CYP21A2: variants seen among roughly 807,000 people sequenced by gnomAD.
The protein encoded by CYP21A2 is cytochrome P450 family 21 subfamily A member 2.
CYP21A2 carries 24 observed loss-of-function variants against 47.4 expected under a neutral mutation model. The observed-to-expected ratio is 0.51, with a 90% confidence interval of 0.37 to 0.71. CYP21A2 has a LOEUF of 0.71. Among genes scored for constraint, CYP21A2 ranks in the 30% least tolerant of loss-of-function variants. The probability of loss-of-function intolerance (pLI) is 0.00; values close to 1 mark genes in which losing one functional copy is unlikely to be tolerated. For synonymous variants in CYP21A2, 130 were observed against 273.9 expected, an observed-to-expected ratio of 0.47 and a Z score of 5.19; for missense variants, 358 against 643.2, an observed-to-expected ratio of 0.56 and a Z score of 4.80.
At position 32,041,096 on chromosome 6, in the gene CYP21A2, CGG is replaced by C. The variant is rs749280425; in HGVS notation, c.1454_1455del (p.Gly485AspfsTer38). The C allele has an allele frequency of 6.3e-7, 1 of 1,586,958 alleles. No homozygotes were observed. Among genetic ancestry groups the C allele is most frequent in the Non-Finnish European group, 8.6e-7 (1 of 1,168,582 alleles). ...MQPFQVRLQPRGMGAHSPGQS... is the reference protein window; with the variant it reads ...MQPFQVRLQPXGMGAHSPGQS... Reference sequence around the variant, plus strand: ...GCCTTTCCAAGTGCGGCTGCAGCCCCGGGGGATGGGGGCCCACAGCCCGGGCC... The same window carrying C: ...GCCTTTCCAAGTGCGGCTGCAGCCCCGGGATGGGGGCCCACAGCCCGGGCC... On this transcript the variant is annotated frameshift_variant, in exon 10 of 10. Transcript: ENST00000644719. LOFTEE classifies it low-confidence loss of function (END_TRUNC).
rs1425076292 is a variant in CYP21A2 at position 32,038,667 on chromosome 6, C to T, written c.202+43C>T. ...CTCTGGCCCTCACCATAGGAGGGGG[C>T]GGAGGTGACGGAGAGGGTCCTCTCT... On this transcript the variant is annotated intron_variant, in intron 1 of 9. Coordinates refer to ENST00000644719, the MANE Select transcript of CYP21A2 (RefSeq NM_000500.9). The T allele has an allele frequency of 9.1e-6, 14 of 1,536,704 alleles. No homozygotes were observed. The East Asian group carries it at 1.4e-4, about 16-fold the overall frequency.
At chr6:32,039,305 C>T (rs756881244) in intron 3 of CYP21A2, 51 bp from the exon 4 acceptor site, 17 of 1,577,916 alleles carry the variant, frequency 1.1e-5, no homozygotes, top group African/African-American at 4.1e-5. Context: ...CAGTAGCCCC[C>T]GCCCTGCCCG....
intron 2 of CYP21A2, 93 bp downstream of exon 2, chr6:32,038,904 G>A (rs2151871120): frequency 7.3e-7 from 1 of 1,377,620 alleles, no homozygotes; most frequent in African/African-American, 1.4e-5. Context: ...TAAATTCCTA[G>A]TCTCAAATGA....
intron 2 of CYP21A2, 56 bp from the exon 3 acceptor site, chr6:32,039,038 A>T (rs1378285204): frequency 6.4e-7 from 1 of 1,565,906 alleles, no homozygotes; most frequent in African/African-American, 1.4e-5. Context: ...GAAGAAGGTC[A>T]GGCCCTCAGC....
At position 32,039,286 on chromosome 6, in the gene CYP21A2, C is replaced by T. The variant is rs6466; in HGVS notation, c.447+38C>T. ...TCCTGAGGCCACCTCGGGTCAGCCT[C>T]GCCTCTCACAGTAGCCCCCGCCCTG... On this transcript the variant is annotated intron_variant, in intron 3 of 9. Transcript: ENST00000644719. 0.29 allele frequency: 453,196 copies of T among 1,569,734 alleles called. 68,259 individuals are homozygous for T. The highest frequency in any genetic ancestry group is 0.39 in the South Asian group (33,695 of 86,602).
Position 32,040,593 on chromosome 6 carries a change from C to G in CYP21A2, c.1118+9C>G. On this transcript the variant is annotated intron_variant, in intron 8 of 9. Transcript: ENST00000644719. ...ACCACACGGCCCAGCAGGTGACTCC[C>G]GAGGGTTGGGGATGAGTGAGGAAAG... 2 of 1,612,656 alleles carry G rather than the reference C, an allele frequency of 1.2e-6. No homozygotes were observed. The highest frequency in any genetic ancestry group is 1.7e-6 in the Non-Finnish European group (2 of 1,179,572).
At position 32,039,403 on chromosome 6, in the gene CYP21A2, C is replaced by T. The variant is rs1776092116; in HGVS notation, c.495C>T (p.Phe165=). Residue 165 remains phenylalanine, a synonymous_variant, in exon 4 of 10, where the codon TTC becomes TTT. Transcript: ENST00000644719. The stretch of plus-strand genomic sequence containing the variant: ...CCCCTGTGGCCATTGAGGAGGAATT[C>T]TCTCTCCTCACCTGCAGCATCATCT... ...PGTPVAIEEE[F]SLLTCSIICY... 1.2e-6 allele frequency: 2 copies of T among 1,613,128 alleles called. No individual in the cohort carries two copies. The highest frequency in any genetic ancestry group is 1.7e-6 in the Non-Finnish European group (2 of 1,179,624).
chr6:32,038,873 C>G, intron 2 of CYP21A2, 62 bp downstream of exon 2: 1 of 1,372,298 alleles, frequency 7.3e-7, no homozygotes, highest in Non-Finnish European at 1.0e-6. Flanking sequence ...TGGGTTCTTG[C>G]TATGCTGCCC....
At position 32,039,095 on chromosome 6, in the gene CYP21A2, C is replaced by G; in HGVS notation, c.294C>G (p.Tyr98Ter). ...DFAGRPEPLT[Y>*]KLVSRNYPDL... ...TCCAGCCCCCACCTCCTCCTGCAGACAAGCTGGTGTCTAGGAACTACCCGG... is the reference window on the plus strand; with the variant it reads ...TCCAGCCCCCACCTCCTCCTGCAGAGAAGCTGGTGTCTAGGAACTACCCGG... Residue 98 changes from tyrosine to a stop codon, truncating the protein, a stop_gained and splice_region_variant, in exon 3 of 10, where the codon TAC becomes TAG. Coordinates refer to ENST00000644719, the MANE Select transcript of CYP21A2 (RefSeq NM_000500.9). LOFTEE classifies it high-confidence loss of function. The G allele has an allele frequency of 6.3e-7, 1 of 1,594,520 alleles. No homozygotes were observed. The highest frequency in any genetic ancestry group is 8.6e-7 in the Non-Finnish European group (1 of 1,169,018).
Position 32,038,847 on chromosome 6 carries a change from A to T in CYP21A2, c.292+36A>T, listed in dbSNP as rs561284668. The stretch of plus-strand genomic sequence containing the variant: ...GGGGCATTTTTTCTTTCTTAAAAAA[A>T]TTTTTTTTTAAGAGATGGGTTCTTG... On this transcript the variant is annotated intron_variant, in intron 2 of 9. Transcript: ENST00000644719. 1.1e-4 allele frequency: 159 copies of T among 1,432,922 alleles called. 1 individual carries two copies. In the East Asian group the frequency reaches 1.4e-3, roughly 13 times the overall value. 88.8% of individuals were successfully genotyped at this position (1,432,922 alleles called of 1,614,324 possible).
chr6:32,039,691 G>A, intron 5 of CYP21A2, 44 bp downstream of exon 5: 1 of 1,570,248 alleles, frequency 6.4e-7, no homozygotes, highest in Non-Finnish European at 8.6e-7. Flanking sequence ...TAGGGGAGAG[G>A]CTGGGGTGGA....
chr6:32,039,702 G>A (rs1434441064), intron 5 of CYP21A2, 47 bp from the exon 6 acceptor site: 1 of 1,575,320 alleles, frequency 6.3e-7, no homozygotes, highest in African/African-American at 1.4e-5. Context: ...CTGGGGTGGA[G>A]GGAGAGGCTC....
chr6:32,039,954 T>C (rs759764168), intron 6 of CYP21A2, 51 bp from the exon 7 acceptor site: 6 of 1,610,962 alleles, frequency 3.7e-6, no homozygotes, highest in South Asian at 1.1e-5. Flanking sequence ...TGCCACTCTG[T>C]ACTCCTCTCC....
Position 32,040,153 on chromosome 6 carries a change from C to G in CYP21A2, c.887C>G (p.Thr296Ser). ...AVDLLIGGTETTANTLSWAVV... is the reference protein window; with the variant it reads ...AVDLLIGGTESTANTLSWAVV... ...GACCTCCTGATCGGTGGCACTGAGA[C>G]CACAGCAAACACCCTCTCCTGGGCC... The change falls in exon 7 of 10, where the codon ACC becomes AGC. Residue 296 changes from threonine (T) to serine (S), a missense_variant. By Grantham distance (58) the Thr-to-Ser change is moderately conservative. Coordinates refer to ENST00000644719, the MANE Select transcript of CYP21A2 (RefSeq NM_000500.9). 6.2e-7 allele frequency: 1 copy of G among 1,612,868 alleles called. No individual in the cohort carries two copies. The highest frequency in any genetic ancestry group is 8.5e-7 in the Non-Finnish European group (1 of 1,179,874).
At position 32,039,340 on chromosome 6, in the gene CYP21A2, C is replaced by G; in HGVS notation, c.448-16C>G. 6.2e-7 allele frequency: 1 copy of G among 1,601,486 alleles called. No homozygotes were observed. The highest frequency in any genetic ancestry group is 8.5e-7 in the Non-Finnish European group (1 of 1,173,988). On this transcript the variant is annotated splice_polypyrimidine_tract_variant and intron_variant, in intron 3 of 9. Transcript: ENST00000644719. ...GCTGCACAGCGGCCTGCTGAACTCA[C>G]ACTGTTTCTCCACAGCGCATGAGAG...
rs759899014 is a variant in CYP21A2 at position 32,040,540 on chromosome 6, C to T, written c.1074C>T (p.Pro358=). 39 of 1,613,538 alleles carry T rather than the reference C, an allele frequency of 2.4e-5. No homozygotes were observed. The East Asian group carries it at 2.9e-4, about 12-fold the overall frequency. The change falls in exon 8 of 10, where the codon CCC becomes CCT. Residue 358 remains proline (P), a synonymous_variant. Coordinates refer to ENST00000644719, the MANE Select transcript of CYP21A2 (RefSeq NM_000500.9). ...TCGCCGAGGTGCTGCGCCTGCGGCC[C>T]GTTGTGCCCTTAGCCTTGCCCCACC... ...ATIAEVLRLR[P]VVPLALPHRT...
Position 32,040,988 on chromosome 6 carries a change from C to T in CYP21A2, c.1342C>T (p.Gln448Ter). Residue 448 changes from glutamine to a stop codon, truncating the protein, a stop_gained, in exon 10 of 10, where the codon CAG becomes TAG. Transcript: ENST00000644719. LOFTEE classifies it low-confidence loss of function (END_TRUNC). ...ELFVVLTRLLQAFTLLPSGDA... is the reference protein window; with the variant it reads ...ELFVVLTRLL ...CTTCGTGGTGCTGACCCGACTGCTG[C>T]AGGCCTTCACGCTGCTGCCCTCCGG... 8.3e-7 allele frequency: 1 copy of T among 1,210,382 alleles called. No homozygotes were observed. The allele number at this position is 1,210,382 out of a possible 1,614,324, so 75.0% of individuals were successfully genotyped here.
Position 32,038,551 on chromosome 6 carries a change from C to T in CYP21A2, c.129C>T (p.Pro43=), listed in dbSNP as rs774906217. 8.1e-6 allele frequency: 13 copies of T among 1,602,716 alleles called. No individual in the cohort carries two copies. The highest frequency in any genetic ancestry group is 1.7e-5 in the Admixed American group (1 of 58,656). Residue 43 remains proline (P), a synonymous_variant, in exon 1 of 10, where the codon CCC becomes CCT. Coordinates refer to ENST00000644719, the MANE Select transcript of CYP21A2 (RefSeq NM_000500.9). Reference sequence around the variant, plus strand: ...CGGGCTTCTTGCACCTGCTGCAGCCCGACCTCCCCATCTATCTGCTTGGCC... The same window carrying T: ...CGGGCTTCTTGCACCTGCTGCAGCCTGACCTCCCCATCTATCTGCTTGGCC... ...LAPGFLHLLQ[P]DLPIYLLGLT...
In CYP21A2 at chr6:32,041,187, G is replaced by C; in HGVS notation, c.*53G>C. ...CCTCAGTTTCTCCTTTATTGCTCCC[G>C]TACGAACCCCTCCCCTCCCCCCTGT... On this transcript the variant is annotated 3_prime_UTR_variant, in exon 10 of 10. Transcript: ENST00000644719. 1 of 1,154,534 alleles carries C rather than the reference G, an allele frequency of 8.7e-7. No individual in the cohort carries two copies. Among genetic ancestry groups the C allele is most frequent in the Admixed American group, 1.7e-5 (1 of 57,512 alleles). 71.5% of individuals were successfully genotyped at this position (1,154,534 alleles called of 1,614,324 possible).
Sources: gnomAD v4.1 joint callset for allele counts on GRCh38, gnomAD v4.1.1 for gene constraint, MANE v1.5 for transcripts, NCBI Gene and HGNC (gene_info 2026-07-23, HGNC 2026-07-21) for gene names.